Variants in SLC47A2 observed in about 807,000 individuals in gnomAD.
SLC47A2 encodes the protein multidrug and toxin extrusion protein 2.
In SLC47A2, 52 loss-of-function variants were observed where a neutral mutation model predicts 67.7. The ratio of observed to expected loss-of-function variants is 0.77; its 90% confidence interval spans 0.61 to 0.97. SLC47A2 has a LOEUF of 0.97. Ranked by LOEUF, SLC47A2 falls within the 50% of genes least tolerant of loss-of-function variation. The pLI is 0.00. For synonymous variants in SLC47A2, 278 were observed against 292.9 expected (o/e 0.95, Z 0.52); for missense variants, 676 against 712.3 (o/e 0.95, Z 0.58).
At chr17:19,684,740 G>A (rs941359758) in intron 13 of SLC47A2, among the ~76,000 whole-genome samples, 1 of 150,922 alleles carries the variant, frequency 6.6e-6, no homozygotes, top group African/African-American at 2.4e-5. Context: ...ATAGATAAAA[G>A]ATTAGTGTGA....
chr17:19,704,592 T>C (rs1197710355), intron 10 of SLC47A2: 8 of 1,412,136 alleles, frequency 5.7e-6, no homozygotes, highest in Non-Finnish European at 7.6e-6. Context: ...GATTTTGTAA[T>C]GTAGATTTTT....
intron 1 of SLC47A2, chr17:19,715,724 G>C (rs959660558): frequency 6.5e-5 from 1 of 15,420 alleles, no homozygotes; most frequent in Admixed American, 7.4e-4. Flanking sequence ...TTTTTTTTTT[G>C]AGACGGAGTT....
chr17:19,707,145 G>A (rs1015433580), intron 8 of SLC47A2, among the ~76,000 whole-genome samples: 1 of 152,118 alleles, frequency 6.6e-6, no homozygotes, highest in Non-Finnish European at 1.5e-5. Flanking sequence ...GGATGCTGAA[G>A]GGAAACACAC....
At chr17:19,693,611 A>AAAT (rs61226037) in intron 13 of SLC47A2, among the ~76,000 whole-genome samples, 28,163 of 146,222 alleles carry the variant, frequency 0.19, 3,254 homozygotes, top group East Asian at 0.37. Flanking sequence ...TCTCTACTAA[A>AAAT]AATAATAATA....
Position 19,681,439 on chromosome 17 carries a change from G to C in SLC47A2, c.1320C>G (p.Ala440=), listed in dbSNP as rs34416664. 16,269 of 1,613,902 alleles carry C rather than the reference G, an allele frequency of 0.01. 108 individuals are homozygous for C. Among genetic ancestry groups the C allele is most frequent in the Middle Eastern group, 0.012 (75 of 6,062 alleles). ...RIMGLWLGML[A]CVFLATAAFV... Reference sequence around the variant, plus strand: ...AGGCAGCAGTTGCCAGGAAGACACAGGCCAGCATGCCCAGCCAGAGGCCTG... The same window carrying C: ...AGGCAGCAGTTGCCAGGAAGACACACGCCAGCATGCCCAGCCAGAGGCCTG... The change falls in exon 15 of 17, where the codon GCC becomes GCG. Residue 440 remains alanine, a synonymous_variant. Coordinates refer to ENST00000433844, the MANE Select transcript of SLC47A2 (RefSeq NM_001099646.3).
At chr17:19,692,586 C>T (rs974684380) in intron 13 of SLC47A2, among the ~76,000 whole-genome samples, 1 of 152,128 alleles carries the variant, frequency 6.6e-6, no homozygotes, top group African/African-American at 2.4e-5. Context: ...ATGACCTTAC[C>T]GATGAATTGT....
rs574349300 is a variant in SLC47A2 at position 19,689,833 on chromosome 17, C to T, written c.1165-8163G>A. Among the ~76,000 whole-genome samples, 179 of 152,034 alleles carry T rather than the reference C, an allele frequency of 1.2e-3. 3 individuals carry two copies. The South Asian group carries it at 0.033, about 28-fold the overall frequency. On this transcript the variant is annotated intron_variant, in intron 13 of 16. Transcript: ENST00000433844. ...ATTGGAAGAATTAATATTGTTAAAA[C>T]GTTCATACTACCCAAAGCATTCTAC...
intron 13 of SLC47A2, among the ~76,000 whole-genome samples, chr17:19,694,699 C>T (rs1468141783): frequency 6.6e-6 from 1 of 151,946 alleles, no homozygotes; most frequent in Admixed American, 6.6e-5. Context: ...GGGTGGATCA[C>T]GAGGTCAGGA....
intron 13 of SLC47A2, among the ~76,000 whole-genome samples, chr17:19,693,108 C>A (rs553841026): frequency 1.3e-5 from 2 of 150,454 alleles, no homozygotes; most frequent in South Asian, 4.3e-4. Flanking sequence ...TCCAGCCTGG[C>A]GACGGAGTGA....
intron 7 of SLC47A2, among the ~76,000 whole-genome samples, 154 bp from the exon 8 acceptor site, chr17:19,707,997 G>A (rs2085990739): frequency 6.6e-6 from 1 of 152,192 alleles, no homozygotes; most frequent in African/African-American, 2.4e-5. Context: ...GGGCCCACAG[G>A]CACCTCTGGC....
At chr17:19,698,004 C>T (rs954514047) in intron 13 of SLC47A2, among the ~76,000 whole-genome samples, 1 of 152,082 alleles carries the variant, frequency 6.6e-6, no homozygotes, top group Non-Finnish European at 1.5e-5. Flanking sequence ...GAAATGCACA[C>T]TGAGACCACA....
chr17:19,706,523 G>A (rs1443392953), intron 9 of SLC47A2, 125 bp downstream of exon 9: 1 of 719,484 alleles, frequency 1.4e-6, no homozygotes, highest in African/African-American at 1.8e-5. Flanking sequence ...GCTGGAAGGG[G>A]GCTGGTGAGC....
chr17:19,679,806 T>C (rs117381090), intron 16 of SLC47A2, 146 bp downstream of exon 16: 25,756 of 755,778 alleles, frequency 0.034, 594 homozygotes, highest in Non-Finnish European at 0.044. Context: ...TCCTGGTGCT[T>C]AGGACATCAT....
chr17:19,714,317 C>G, intron 3 of SLC47A2: 1 of 386,792 alleles, frequency 2.6e-6, no homozygotes, highest in South Asian at 4.2e-5. Flanking sequence ...GACCCCATGG[C>G]CACCTGGGCA....
At chr17:19,691,628 A>G (rs1029798326) in intron 13 of SLC47A2, among the ~76,000 whole-genome samples, 1 of 152,208 alleles carries the variant, frequency 6.6e-6, no homozygotes, top group African/African-American at 2.4e-5. Flanking sequence ...GGGAATGGGG[A>G]TGGTTAATGG....
intron 15 of SLC47A2, among the ~76,000 whole-genome samples, chr17:19,680,671 C>CCTGTT (rs1209984348): frequency 6.6e-6 from 1 of 151,958 alleles, no homozygotes; most frequent in Non-Finnish European, 1.5e-5. Context: ...GCTGCCCTGC[C>CCTGTT]CTGTTTAAAA....
chr17:19,688,734 T>TTGTA (rs1211919783), intron 13 of SLC47A2, among the ~76,000 whole-genome samples: 1 of 152,150 alleles, frequency 6.6e-6, no homozygotes, highest in Non-Finnish European at 1.5e-5. Context: ...TTTGTATTTT[T>TTGTA]TTTAGTAGAA....
rs934759827 is a variant in SLC47A2, at chr17:19,685,158, C to T, written c.1165-3488G>A. Among the ~76,000 whole-genome samples, 6 of 152,152 alleles carry T rather than the reference C, an allele frequency of 3.9e-5. No homozygotes were observed. Among genetic ancestry groups the T allele is most frequent in the Non-Finnish European group, 7.3e-5 (5 of 68,034 alleles). ...CGCTCACTCAATGCTCAATGTTGCCCAGGCTGGAGTGCAGTGGCGTGATCT... is the reference window on the plus strand; with the variant it reads ...CGCTCACTCAATGCTCAATGTTGCCTAGGCTGGAGTGCAGTGGCGTGATCT... On this transcript the variant is annotated intron_variant, in intron 13 of 16. Transcript: ENST00000433844. This position sits in a 1 kb window ranked among gnomAD's most constrained non-coding sequence, Gnocchi z 4.5.
rs185879340 is a variant in SLC47A2, at chr17:19,688,838, G to A, written c.1165-7168C>T. Among the ~76,000 whole-genome samples, 19 of 150,598 alleles carry A rather than the reference G, an allele frequency of 1.3e-4. No individual in the cohort carries two copies. The East Asian group carries it at 1.8e-3, about 14-fold the overall frequency. On this transcript the variant is annotated intron_variant, in intron 13 of 16. Coordinates refer to ENST00000433844, the MANE Select transcript of SLC47A2 (RefSeq NM_001099646.3). ...CTCCCAAAATGCTGGGATTACAGGCGTGAGTCACTGTGCCCCGCTGGTGAT... is the reference window on the plus strand; with the variant it reads ...CTCCCAAAATGCTGGGATTACAGGCATGAGTCACTGTGCCCCGCTGGTGAT...
Sources: allele counts gnomAD v4.1 joint callset (sites outside exome capture counted in the v4.1 genomes callset), GRCh38; gene constraint gnomAD v4.1.1; non-coding constraint Gnocchi (gnomAD v3.1); transcripts MANE v1.5; gene names NCBI Gene and HGNC (gene_info 2026-07-23, HGNC 2026-07-21).